DRP2: variants seen among roughly 807,000 people sequenced by gnomAD.
DRP2 encodes dystrophin related protein 2, also known as dystrophin-related protein 2.
A neutral mutation model predicts 78.2 loss-of-function variants in DRP2; 29 were observed. The observed-to-expected ratio is 0.37, with a 90% confidence interval of 0.28 to 0.51. DRP2 has a LOEUF of 0.51. Among genes scored for constraint, DRP2 ranks in the 20% least tolerant of loss-of-function variants. DRP2 has a pLI of 0.94. For missense variants in DRP2, 686 were observed against 770.6 expected, an observed-to-expected ratio of 0.89 and a Z score of 1.30; for synonymous variants, 290 against 281.9, an observed-to-expected ratio of 1.03 and a Z score of -0.29.
intron 6 of DRP2, among the ~76,000 whole-genome samples, chrX:101,239,601 G>A (rs755917708): frequency 6.3e-5 from 7 of 110,276 alleles, no homozygotes; most frequent in Non-Finnish European, 9.5e-5. Context: ...TGTGGGGGAC[G>A]GAGTCTCGCT....
intron 2 of DRP2, 45 bp from the exon 3 acceptor site, chrX:101,231,540 C>A (rs778371507): frequency 5.7e-6 from 4 of 706,896 alleles, no homozygotes; most frequent in Non-Finnish European, 9.1e-6. Flanking sequence ...GATTCATAGG[C>A]TTTTCTAGGT....
In DRP2 at chrX:101,237,715, AG is replaced by A. The variant is rs753185936; in HGVS notation, c.379del (p.Ala127LeufsTer52). The part of the protein sequence containing the change: ...WLSQKDEELS[A>X]QLPLQGDVAL... ...TCAGCCAAAAGGATGAGGAGTTGTC[AG>A]CTCAGCTGCCCCTACAGGGGGATGT... On this transcript the variant is annotated frameshift_variant, in exon 5 of 24. Transcript: ENST00000395209. LOFTEE classifies it high-confidence loss of function. 8.5e-7 allele frequency: 1 copy of A among 1,178,511 alleles called. No individual in the cohort carries two copies. The highest frequency in any genetic ancestry group is 1.1e-6 in the Non-Finnish European group (1 of 874,692).
chrX:101,254,874 G>T lies in DRP2; in HGVS notation c.2130G>T (p.Pro710=). 1.7e-6 allele frequency: 2 copies of T among 1,211,822 alleles called. No homozygotes were observed. Among genetic ancestry groups the T allele is most frequent in the Non-Finnish European group, 2.2e-6 (2 of 895,549 alleles). The part of the protein sequence containing the change: ...ADYSETPASS[P]MWPHADTHSR... Reference sequence around the variant, plus strand: ...TTTCTTCTAGGCCGGCTTCTTCCCCGATGTGGCCACACGCCGACACACACT... The same window carrying T: ...TTTCTTCTAGGCCGGCTTCTTCCCCTATGTGGCCACACGCCGACACACACT... The change falls in exon 19 of 24, where the codon CCG becomes CCT. Residue 710 remains proline, a synonymous_variant. Transcript: ENST00000395209.
chrX:101,243,281 C>T (rs1351001460), intron 9 of DRP2, among the ~76,000 whole-genome samples: 1 of 108,730 alleles, frequency 9.2e-6, no homozygotes, highest in Non-Finnish European at 1.9e-5. Flanking sequence ...CAAAAATTAG[C>T]TGGGCATGGT....
At chrX:101,240,484 C>T (rs755548928) in intron 6 of DRP2, among the ~76,000 whole-genome samples, 3 of 112,630 alleles carry the variant, frequency 2.7e-5, no homozygotes, top group Non-Finnish European at 5.6e-5. Flanking sequence ...GATCGGCCTG[C>T]TTGGCCTCCT....
intron 15 of DRP2, 104 bp downstream of exon 15, chrX:101,250,684 A>G: frequency 9.5e-7 from 1 of 1,051,479 alleles, no homozygotes; most frequent in South Asian, 2.3e-5. Context: ...AAGTACGCAG[A>G]TGCAAGGGAG....
intron 1 of DRP2, among the ~76,000 whole-genome samples, chrX:101,221,796 A>G (rs1044393140): frequency 8.9e-6 from 1 of 112,100 alleles, no homozygotes; most frequent in Admixed American, 9.5e-5. Flanking sequence ...CCACCATGCC[A>G]GCTAGGATGG....
In DRP2 at chrX:101,260,502, G is replaced by GT. The variant is rs752033533; in HGVS notation, c.2756dup (p.Ser921ValfsTer28). The GT allele has an allele frequency of 8.3e-7, 1 of 1,209,971 alleles. No individual in the cohort carries two copies. Among genetic ancestry groups the GT allele is most frequent in the Non-Finnish European group, 1.1e-6 (1 of 894,920 alleles). ...ATCTCTGTTTTTTAACCCAGATGAT[G>GT]TGGGGTCAAAGAGCCAGGATGTCAG... On this transcript the variant is annotated frameshift_variant, in exon 24 of 24. Coordinates refer to ENST00000395209, the MANE Select transcript of DRP2 (RefSeq NM_001939.3). LOFTEE classifies it high-confidence loss of function.
At chrX:101,242,844 G>A in intron 8 of DRP2, 60 bp from the exon 9 acceptor site, 1 of 1,086,136 alleles carries the variant, frequency 9.2e-7, no homozygotes, top group East Asian at 3.0e-5. Flanking sequence ...AGAGGCACCT[G>A]GGGATCCCAC....
rs1178669967 is a variant in DRP2 at position 101,256,235 on chromosome X, C to T, written c.2364C>T (p.Ile788=). The change falls in exon 21 of 24, where the codon ATC becomes ATT. Residue 788 remains isoleucine, a synonymous_variant. Transcript: ENST00000395209. ...AAAGCAAAGGGGAGCTACAGAAGATCCTGGCCCACTTGGAAGATGAGAACC... is the reference window on the plus strand; with the variant it reads ...AAAGCAAAGGGGAGCTACAGAAGATTCTGGCCCACTTGGAAGATGAGAACC... The part of the protein sequence containing the change: ...ATESKGELQK[I]LAHLEDENRI... 8.3e-7 allele frequency: 1 copy of T among 1,199,231 alleles called. No individual in the cohort carries two copies. Among genetic ancestry groups the T allele is most frequent in the South Asian group, 1.9e-5 (1 of 53,847 alleles).
chrX:101,233,583 ATG>A lies in DRP2; in HGVS notation c.117+1823_117+1824del, dbSNP rs762144358. Among the ~76,000 whole-genome samples the A allele has an allele frequency of 2.7e-5, 3 of 112,023 alleles. No homozygotes were observed. In the South Asian group the frequency reaches 1.1e-3, roughly 42 times the overall value. On this transcript the variant is annotated intron_variant, in intron 3 of 23. Transcript: ENST00000395209. ...AACAGAACCCTTTTTGGTAAAAACGATGTGTTTTCCCTCAGTGCTGAGGGATG... is the reference window on the plus strand; with the variant it reads ...AACAGAACCCTTTTTGGTAAAAACGATGTTTTCCCTCAGTGCTGAGGGATG...
chrX:101,249,756 C>A (rs371371078), intron 14 of DRP2, among the ~76,000 whole-genome samples: 1 of 111,704 alleles, frequency 9.0e-6, no homozygotes, highest in East Asian at 2.8e-4. Flanking sequence ...AGAGAATAAC[C>A]TCTGGAGGAG....
rs745315795 is a variant in DRP2 at position 101,248,519 on chromosome X, G to A, written c.1460G>A (p.Arg487His). 1 of 1,210,958 alleles carries A rather than the reference G, an allele frequency of 8.3e-7. No individual in the cohort carries two copies. Among genetic ancestry groups the A allele is most frequent in the Non-Finnish European group, 1.1e-6 (1 of 894,912 alleles). The change falls in exon 14 of 24, where the codon CGC becomes CAC. Residue 487 changes from arginine to histidine, a missense_variant. By Grantham distance (29) the Arg-to-His change is conservative (BLOSUM62 0). Around this residue, in one of 2 missense-constraint regions of DRP2, gnomAD observed 423 missense variants for 531.5 expected, o/e 0.80. Transcript: ENST00000395209. The stretch of plus-strand genomic sequence containing the variant: ...TCTCTTCTTTTTAAACCTAGTGGTC[G>A]CAGCGGAAAGATGCGGGCATTGTCT... ...NWLLNVFDSG[R>H]SGKMRALSFK...
intron 1 of DRP2, 89 bp from the exon 2 acceptor site, chrX:101,224,515 T>TTA (rs1865952992): frequency 1.8e-5 from 2 of 111,657 alleles, no homozygotes; most frequent in Non-Finnish European, 3.8e-5. Context: ...AGCATGCTAT[T>TTA]CTGGCATTTG....
intron 7 of DRP2, 32 bp from the exon 8 acceptor site, chrX:101,242,293 T>G: frequency 8.3e-7 from 1 of 1,204,255 alleles, no homozygotes; most frequent in Non-Finnish European, 1.1e-6. Flanking sequence ...TCCCACTCTG[T>G]CTGCTGTGGC....
At position 101,247,360 on chromosome X, in the gene DRP2, G is replaced by A. The variant is rs765560765; in HGVS notation, c.1252+196G>A. On this transcript the variant is annotated intron_variant, in intron 12 of 23. Coordinates refer to ENST00000395209, the MANE Select transcript of DRP2 (RefSeq NM_001939.3). Reference sequence around the variant, plus strand: ...CTTCCACTCTCGCTAGGCCCCAGACGTGTTTCCAAATTAACCCCACTGTTA... The same window carrying A: ...CTTCCACTCTCGCTAGGCCCCAGACATGTTTCCAAATTAACCCCACTGTTA... 1.3e-4 allele frequency among the ~76,000 whole-genome samples: 14 copies of A among 111,581 alleles called. No homozygotes were observed. The South Asian group carries it at 3.0e-3, about 24-fold the overall frequency.
rs777609295 is a variant in DRP2, at chrX:101,250,953, C to A, written c.1735C>A (p.Leu579Met). Reference protein sequence around the residue: ...GKPVIEASQFLEWVNLEPQSM... With the variant: ...GKPVIEASQFMEWVNLEPQSM... ...GCCAGTCATTGAAGCATCCCAGTTC[C>A]TGGAGTGGGTCAACCTGGAGCCCCA... The change falls in exon 16 of 24, where the codon CTG (leucine) becomes ATG (methionine). Residue 579 changes from leucine to methionine, a missense_variant. Around this residue, in one of 2 missense-constraint regions of DRP2, gnomAD observed 423 missense variants for 531.5 expected, o/e 0.80. Transcript: ENST00000395209. 47 of 1,209,879 alleles carry A rather than the reference C, an allele frequency of 3.9e-5. No homozygotes were observed. In the South Asian group the frequency reaches 8.3e-4, roughly 21 times the overall value.
chrX:101,243,093 G>A, intron 9 of DRP2, 111 bp downstream of exon 9: 1 of 679,542 alleles, frequency 1.5e-6, no homozygotes, highest in South Asian at 2.5e-5. Flanking sequence ...TGACATCCGA[G>A]AAGCAGTAAG....
chrX:101,241,546 A>G, intron 6 of DRP2, 122 bp from the exon 7 acceptor site: 1 of 802,785 alleles, frequency 1.2e-6, no homozygotes, highest in East Asian at 3.2e-5. Flanking sequence ...GAATATATAC[A>G]CAAACATGCC....
Sources: allele counts gnomAD v4.1 joint callset (sites outside exome capture counted in the v4.1 genomes callset), GRCh38; gene constraint gnomAD v4.1.1; regional missense constraint gnomAD v4.1.1; transcripts MANE v1.5; gene names NCBI Gene and HGNC (gene_info 2026-07-23, HGNC 2026-07-21).